UBE2V1: variants seen among roughly 807,000 people sequenced by gnomAD.
The protein encoded by UBE2V1 is ubiquitin conjugating enzyme E2 V1.
A neutral mutation model predicts 19.6 loss-of-function variants in UBE2V1; 15 were observed. That is an observed-to-expected ratio of 0.77 (90% CI 0.51 to 1.18). The LOEUF (loss-of-function observed/expected upper bound fraction) is 1.18. Ranked by LOEUF, UBE2V1 falls within the 50% of genes most tolerant of loss-of-function variation. UBE2V1 has a pLI of 0.00. For missense variants in UBE2V1, 125 were observed against 184.8 expected (o/e 0.68, Z 1.88); for synonymous variants, 60 against 60.7 (o/e 0.99, Z 0.05).
upstream of UBE2V1, chr20:50,115,065 C>CA (rs58162069): frequency 0.032 from 4,200 of 129,502 alleles, 69 homozygotes; most frequent in African/African-American, 0.039. Context: ...GATTCAGTCT[C>CA]AAAAAAAAAA....
At chr20:50,093,110 G>A (rs1406439255) in intron 2 of UBE2V1, among the ~76,000 whole-genome samples, 1 of 152,194 alleles carries the variant, frequency 6.6e-6, no homozygotes, top group Non-Finnish European at 1.5e-5. Context: ...AGCTAAACAG[G>A]ACATAATATG....
chr20:50,084,814 CTTTT>C lies in UBE2V1; in HGVS notation c.172-564_172-561del, dbSNP rs768489912. ...GGGGTGTTCCATCCCTCCCTGCAGT[CTTTT>C]TTTTTTTTTTTGGTAGTCTGACCTG... is the stretch of plus-strand genomic sequence containing the variant. On this transcript the variant is annotated intron_variant, in intron 2 of 3. Transcript: ENST00000371674. 63 of 159,968 alleles carry C rather than the reference CTTTT, an allele frequency of 3.9e-4. 1 individual carries two copies. The highest frequency in any genetic ancestry group is 9.1e-4 in the South Asian group (11 of 12,032). 9.9% of individuals were successfully genotyped at this position (159,968 alleles called of 1,614,324 possible).
chr20:50,098,402 G>T (rs2079772050), intron 1 of UBE2V1, among the ~76,000 whole-genome samples: 2 of 152,226 alleles, frequency 1.3e-5, no homozygotes, highest in Admixed American at 1.3e-4. Context: ...TGCTGTGTGA[G>T]GATGAGAGTG....
chr20:50,092,203 C>T (rs1200175998), intron 2 of UBE2V1, among the ~76,000 whole-genome samples: 1 of 152,038 alleles, frequency 6.6e-6, no homozygotes, highest in Non-Finnish European at 1.5e-5. Flanking sequence ...GTGCCTATAA[C>T]CCCAGCGACT....
intron 1 of UBE2V1, among the ~76,000 whole-genome samples, chr20:50,101,386 A>AAAG (rs1417602655): frequency 6.7e-6 from 1 of 149,122 alleles, no homozygotes; most frequent in Non-Finnish European, 1.5e-5. Context: ...AATGCTTTAT[A>AAAG]CTCTCAAAAT....
chr20:50,106,384 A>G (rs1269076695), intron 1 of UBE2V1, among the ~76,000 whole-genome samples: 1 of 152,230 alleles, frequency 6.6e-6, no homozygotes, highest in Non-Finnish European at 1.5e-5. Context: ...CATTTAATGC[A>G]GTAATCTGAA....
intron 2 of UBE2V1, among the ~76,000 whole-genome samples, chr20:50,086,520 G>T (rs180831967): frequency 2.0e-5 from 3 of 152,042 alleles, no homozygotes; most frequent in Admixed American, 6.5e-5. Flanking sequence ...CTCACATACA[G>T]ATTTATGGAG....
chr20:50,105,920 G>C (rs1027846001), intron 1 of UBE2V1, among the ~76,000 whole-genome samples: 4 of 150,744 alleles, frequency 2.7e-5, no homozygotes, highest in Non-Finnish European at 5.9e-5. Context: ...ACAGAGACTC[G>C]TCAAAAAAAA....
Position 50,096,722 on chromosome 20 carries a change from C to A in UBE2V1, c.121G>T (p.Glu41Ter). The change falls in exon 2 of 4, where the codon GAA becomes TAA. Residue 41 changes from glutamate to a stop codon, truncating the protein, a stop_gained. Transcript: ENST00000371674. LOFTEE classifies it high-confidence loss of function. ...GTVSWGLEDD[E>*]DMTLTRWTGM... ...GTCCATCTTGTAAGTGTCATGTCTT[C>A]GTCATCTTCTAGACCCCAGCTAACT... is the stretch of plus-strand genomic sequence containing the variant. 6.2e-7 allele frequency: 1 copy of A among 1,614,140 alleles called. No homozygotes were observed. The highest frequency in any genetic ancestry group is 8.5e-7 in the Non-Finnish European group (1 of 1,180,020).
intron 1 of UBE2V1, among the ~76,000 whole-genome samples, chr20:50,102,188 G>C (rs913515782): frequency 1.3e-5 from 2 of 152,160 alleles, no homozygotes; most frequent in Non-Finnish European, 2.9e-5. Context: ...AAGTAGAAGA[G>C]ATGTAGAAGA....
chr20:50,087,574 G>A (rs563208789), intron 2 of UBE2V1, among the ~76,000 whole-genome samples: 1 of 152,166 alleles, frequency 6.6e-6, no homozygotes, highest in Non-Finnish European at 1.5e-5. Flanking sequence ...CTGCTCTTAA[G>A]ATTCATTATT....
At chr20:50,101,441 A>T (rs2147126889) in intron 1 of UBE2V1, among the ~76,000 whole-genome samples, 1 of 146,048 alleles carries the variant, frequency 6.8e-6, no homozygotes, top group Admixed American at 6.9e-5. Flanking sequence ...TTTTTGAGAC[A>T]AAGTCTCGCT....
intron 1 of UBE2V1, among the ~76,000 whole-genome samples, chr20:50,101,558 T>C: frequency 9.4e-6 from 1 of 106,334 alleles, no homozygotes; most frequent in Non-Finnish European, 1.7e-5. Flanking sequence ...GAACTGGACT[T>C]CACATTTATA....
intron 2 of UBE2V1, among the ~76,000 whole-genome samples, chr20:50,092,699 T>C (rs182428130): frequency 3.3e-4 from 50 of 152,344 alleles, no homozygotes; most frequent in Non-Finnish European, 5.4e-4. Context: ...AAGGAGCAGT[T>C]GGCTCAGAAG....
intron 1 of UBE2V1, among the ~76,000 whole-genome samples, chr20:50,109,747 CAAAAAA>C (rs11468343): frequency 1.1e-5 from 1 of 89,590 alleles, no homozygotes. Flanking sequence ...AACTCCGTCT[CAAAAAA>C]AAAAAAAAAA....
chr20:50,083,051 A>G, intron 3 of UBE2V1, 137 bp from the exon 4 acceptor site: 2 of 1,375,478 alleles, frequency 1.5e-6, no homozygotes, highest in African/African-American at 1.5e-5. Flanking sequence ...AATACCTTAC[A>G]TGCGGAATAC....
chr20:50,091,024 A>G (rs2079186081), intron 2 of UBE2V1, among the ~76,000 whole-genome samples: 1 of 152,008 alleles, frequency 6.6e-6, no homozygotes, highest in African/African-American at 2.4e-5. Flanking sequence ...TTAACCTCTT[A>G]TTCTATATAC....
At position 50,082,638 on chromosome 20, in the gene UBE2V1, T is replaced by G. The variant is rs1448546963; in HGVS notation, c.*130A>C. ...ACAGTATCTTAAGATAAATTTCCTTTGAATGGGAGCTTCCTTTCCGGTACT... is the reference window on the plus strand; with the variant it reads ...ACAGTATCTTAAGATAAATTTCCTTGGAATGGGAGCTTCCTTTCCGGTACT... On this transcript the variant is annotated 3_prime_UTR_variant, in exon 4 of 4. Coordinates refer to ENST00000371674, the MANE Select transcript of UBE2V1 (RefSeq NM_001032288.3). 9.0e-6 allele frequency: 13 copies of G among 1,449,970 alleles called. No individual in the cohort carries two copies. The highest frequency in any genetic ancestry group is 1.1e-5 in the Non-Finnish European group (12 of 1,100,628). The allele number at this position is 1,449,970 out of a possible 1,614,324, so 89.8% of individuals were successfully genotyped here.
chr20:50,084,536 T>A (rs2078797378), intron 2 of UBE2V1: 2 of 533,784 alleles, frequency 3.7e-6, no homozygotes, highest in Non-Finnish European at 7.2e-6. Flanking sequence ...TTTATGTTAA[T>A]TTCTCTACTT....
Sources: gnomAD v4.1 joint callset for allele counts (sites outside exome capture counted in the v4.1 genomes callset) on GRCh38, gnomAD v4.1.1 for gene constraint, MANE v1.5 for transcripts, NCBI Gene and HGNC (gene_info 2026-07-23, HGNC 2026-07-21) for gene names.